Variants in SNX29 observed in about 807,000 individuals in gnomAD.
SNX29 encodes the protein sorting nexin-29.
SNX29 carries 78 observed loss-of-function variants against 102.1 expected under a neutral mutation model. That is an observed-to-expected ratio of 0.76 (90% CI 0.64 to 0.92). SNX29 has a LOEUF of 0.92. SNX29 is among the 40% of genes least tolerant of loss of function. The pLI is 0.00. For missense variants in SNX29, 1,280 were observed against 1,061.7 expected, an observed-to-expected ratio of 1.21 and a Z score of -2.86; for synonymous variants, 580 against 414.5, an observed-to-expected ratio of 1.40 and a Z score of -4.85.
chr16:12,435,849 G>C (rs1333001075), intron 18 of SNX29, among the ~76,000 whole-genome samples: 2 of 152,184 alleles, frequency 1.3e-5, no homozygotes, highest in Non-Finnish European at 2.9e-5. Context: ...GAAATGGCAG[G>C]TGTAGTCCCA....
At chr16:12,408,181 A>AAAAAAAC (rs1555530447) in intron 18 of SNX29, among the ~76,000 whole-genome samples, 5 of 148,662 alleles carry the variant, frequency 3.4e-5, no homozygotes, top group African/African-American at 5.0e-5. Flanking sequence ...AACAAACAAA[A>AAAAAAAC]AAAAAACTAG....
intron 20 of SNX29, among the ~76,000 whole-genome samples, chr16:12,545,029 A>G (rs936245583): frequency 1.3e-5 from 2 of 152,296 alleles, no homozygotes; most frequent in East Asian, 3.9e-4. Flanking sequence ...CGGCTTCAGT[A>G]GCCAGGTCTG....
chr16:12,508,853 GA>G (rs1282382627), intron 19 of SNX29, among the ~76,000 whole-genome samples: 2 of 152,080 alleles, frequency 1.3e-5, no homozygotes, highest in African/African-American at 2.4e-5. Flanking sequence ...CTTTCTTGGG[GA>G]CACACAATGG....
At chr16:12,129,901 G>A (rs1019104807) in intron 13 of SNX29, 143 bp downstream of exon 13, 168 of 999,034 alleles carry the variant, frequency 1.7e-4, no homozygotes, top group Middle Eastern at 1.0e-3. Context: ...TCAGGAGATC[G>A]AGACCATCCT....
Position 12,061,541 on chromosome 16 carries a change from A to T in SNX29, c.1138A>T (p.Asn380Tyr), listed in dbSNP as rs1401822538. 4 of 1,604,310 alleles carry T rather than the reference A, an allele frequency of 2.5e-6. No individual in the cohort carries two copies. Among genetic ancestry groups the T allele is most frequent in the Non-Finnish European group, 3.4e-6 (4 of 1,176,388 alleles). Residue 380 changes from asparagine (N) to tyrosine (Y), a missense_variant, in exon 9 of 21, where the codon AAC (asparagine) becomes TAC (tyrosine). Coordinates refer to ENST00000566228, the MANE Select transcript of SNX29 (RefSeq NM_032167.5). ...SESPEKPLEG[N>Y]TCLSQMHSWA... Reference sequence around the variant, plus strand: ...CTTTCACCTTAGGCCACTGGAAGGGAACACCTGCCTCTCCCAGATGCACAG... The same window carrying T: ...CTTTCACCTTAGGCCACTGGAAGGGTACACCTGCCTCTCCCAGATGCACAG...
At chr16:12,105,681 A>T (rs8051341) in intron 11 of SNX29, among the ~76,000 whole-genome samples, 1 of 152,186 alleles carries the variant, frequency 6.6e-6, no homozygotes, top group Admixed American at 6.5e-5. Context: ...CTCAAAACAC[A>T]GAGACAATGC....
chr16:12,459,117 C>T (rs1319760873), intron 18 of SNX29, among the ~76,000 whole-genome samples: 1 of 133,750 alleles, frequency 7.5e-6, no homozygotes, highest in East Asian at 2.3e-4. Context: ...CTCTCCCCTC[C>T]TCCTCCCATT....
chr16:12,541,482 G>C (rs886178737), intron 20 of SNX29, among the ~76,000 whole-genome samples: 3 of 152,138 alleles, frequency 2.0e-5, no homozygotes, highest in Admixed American at 1.3e-4. Context: ...CAGGATCTCA[G>C]ACCCAGACCT....
At chr16:12,435,750 G>C (rs981817261) in intron 18 of SNX29, among the ~76,000 whole-genome samples, 3 of 152,198 alleles carry the variant, frequency 2.0e-5, no homozygotes, top group African/African-American at 4.8e-5. Context: ...TGTTACCCAT[G>C]ATCCTGGGTC....
chr16:12,423,533 G>C (rs559681059), intron 18 of SNX29, among the ~76,000 whole-genome samples: 1 of 152,250 alleles, frequency 6.6e-6, no homozygotes, highest in Admixed American at 6.5e-5. Flanking sequence ...ACGAAGGCTG[G>C]GGTAACAGGT....
intron 10 of SNX29, among the ~76,000 whole-genome samples, chr16:12,070,409 T>A (rs1482729877): frequency 6.7e-6 from 1 of 148,892 alleles, no homozygotes; most frequent in Non-Finnish European, 1.5e-5. Flanking sequence ...TTCCTATCTA[T>A]GAGTGAGAAC....
chr16:12,094,348 A>C (rs1023033537), intron 11 of SNX29, among the ~76,000 whole-genome samples: 6 of 152,226 alleles, frequency 3.9e-5, no homozygotes, highest in Non-Finnish European at 8.8e-5. Context: ...GATCATTAAC[A>C]ACACCCTCAA....
chr16:12,389,278 C>T (rs572920288), intron 16 of SNX29, among the ~76,000 whole-genome samples: 1 of 152,190 alleles, frequency 6.6e-6, no homozygotes, highest in East Asian at 1.9e-4. Flanking sequence ...TGGCTGTGTC[C>T]CCACCCAAAT....
At chr16:12,491,872 TG>T (rs1389011960) in intron 19 of SNX29, among the ~76,000 whole-genome samples, 3 of 152,264 alleles carry the variant, frequency 2.0e-5, no homozygotes, top group Non-Finnish European at 2.9e-5. Context: ...TCATTTTTTA[TG>T]GCTGCATAGT....
At chr16:12,218,089 A>T (rs928329699) in intron 14 of SNX29, among the ~76,000 whole-genome samples, 1 of 152,176 alleles carries the variant, frequency 6.6e-6, no homozygotes, top group Non-Finnish European at 1.5e-5. Flanking sequence ...TATTATTTGC[A>T]ATGATAAAAA....
chr16:12,358,714 C>G lies in SNX29; in HGVS notation c.1899+2435C>G, dbSNP rs558338498. Among the ~76,000 whole-genome samples the G allele has an allele frequency of 1.9e-3, 297 of 152,326 alleles. 2 individuals are homozygous for G. Among genetic ancestry groups the G allele is most frequent in the African/African-American group, 6.8e-3 (282 of 41,572 alleles). The stretch of plus-strand genomic sequence containing the variant: ...GAAGCATCTGGACAGACAGGCCTTG[C>G]AGGGTCTCCCCACTCAGTCTGTTCG... On this transcript the variant is annotated intron_variant, in intron 16 of 20. Coordinates refer to ENST00000566228, the MANE Select transcript of SNX29 (RefSeq NM_032167.5).
At chr16:12,131,088 C>T (rs906899043) in intron 13 of SNX29, among the ~76,000 whole-genome samples, 13 of 152,186 alleles carry the variant, frequency 8.5e-5, no homozygotes, top group African/African-American at 1.7e-4. Context: ...TCGCCTGGCA[C>T]GGGTGTGAGC....
chr16:12,305,976 A>G (rs536548940), intron 15 of SNX29, among the ~76,000 whole-genome samples: 4 of 152,240 alleles, frequency 2.6e-5, no homozygotes, highest in African/African-American at 9.6e-5. Flanking sequence ...TTCATTTTAA[A>G]TAGTCCTCGT....
chr16:12,286,957 G>A (rs184091762), intron 15 of SNX29, among the ~76,000 whole-genome samples: 101 of 152,272 alleles, frequency 6.6e-4, no homozygotes, highest in Admixed American at 2.0e-4. Context: ...AAAGAGGCTC[G>A]TGCTAGTCCC....
Sources: allele counts gnomAD v4.1 joint callset (sites outside exome capture counted in the v4.1 genomes callset), GRCh38; gene constraint gnomAD v4.1.1; transcripts MANE v1.5; gene names NCBI Gene and HGNC (gene_info 2026-07-23, HGNC 2026-07-21).